Variants in COL22A1 observed in about 807,000 individuals in gnomAD.
COL22A1 encodes the protein collagen type XXII alpha 1 chain.
A neutral mutation model predicts 248.9 loss-of-function variants in COL22A1; 221 were observed. The ratio of observed to expected loss-of-function variants is 0.89; its 90% CI spans 0.80 to 0.99. The LOEUF is 0.99. Ranked by LOEUF, COL22A1 falls within the 50% of genes least tolerant of loss-of-function variation. The probability of loss-of-function intolerance (pLI) is 0.00; values close to 1 mark genes in which losing one functional copy is unlikely to be tolerated. For missense variants in COL22A1, 2,240 were observed against 2,179.0 expected, an observed-to-expected ratio of 1.03 and a Z score of -0.56; for synonymous variants, 891 against 793.4, an observed-to-expected ratio of 1.12 and a Z score of -2.07.
intron 3 of COL22A1, among the ~76,000 whole-genome samples, chr8:138,848,292 A>G (rs921485065): frequency 4.6e-5 from 7 of 152,196 alleles, no homozygotes; most frequent in African/African-American, 1.7e-4. Flanking sequence ...TCTCTAGGTA[A>G]GTGGAACATT....
intron 5 of COL22A1, among the ~76,000 whole-genome samples, chr8:138,830,284 G>A (rs956470704): frequency 2.6e-5 from 4 of 152,098 alleles, no homozygotes; most frequent in Non-Finnish European, 2.9e-5. Context: ...TGCCTTGCTC[G>A]TTTCTGTTAT....
intron 6 of COL22A1, 151 bp from the exon 7 acceptor site, chr8:138,821,562 G>A: frequency 2.7e-6 from 2 of 749,694 alleles, no homozygotes. Context: ...CCTGAGCTTG[G>A]ACAAATTCCG....
intron 45 of COL22A1, among the ~76,000 whole-genome samples, chr8:138,655,074 G>T (rs539121614): frequency 6.6e-6 from 1 of 152,262 alleles, no homozygotes; most frequent in East Asian, 1.9e-4. Flanking sequence ...CAGCGAGAAA[G>T]GATTTTATTC....
At chr8:138,643,712 T>A (rs928844060) in intron 47 of COL22A1, among the ~76,000 whole-genome samples, 107 of 151,338 alleles carry the variant, frequency 7.1e-4, no homozygotes, top group Non-Finnish European at 1.1e-3. Context: ...TTTTAAAAAA[T>A]TTTTTTTTCT....
intron 3 of COL22A1, among the ~76,000 whole-genome samples, chr8:138,863,317 A>T (rs1029969338): frequency 2.6e-5 from 4 of 152,138 alleles, no homozygotes; most frequent in Non-Finnish European, 5.9e-5. Context: ...GTTTTTTGAC[A>T]TTGAAATAAT....
chr8:138,731,406 G>A (rs892283795), intron 23 of COL22A1, among the ~76,000 whole-genome samples: 39 of 152,154 alleles, frequency 2.6e-4, no homozygotes, highest in Non-Finnish European at 7.4e-5. Context: ...GCAGGCAGAA[G>A]GCAGCCAGCG....
chr8:138,665,409 A>G (rs1049151196), intron 41 of COL22A1, among the ~76,000 whole-genome samples: 1 of 152,230 alleles, frequency 6.6e-6, no homozygotes, highest in African/African-American at 2.4e-5. Flanking sequence ...GTAGAGAAGA[A>G]AATGATGTCA....
At chr8:138,804,556 C>T (rs182709532) in intron 10 of COL22A1, among the ~76,000 whole-genome samples, 5 of 152,206 alleles carry the variant, frequency 3.3e-5, no homozygotes, top group Non-Finnish European at 5.9e-5. Context: ...AGCCGAGAAT[C>T]GAGGTGACTT....
chr8:138,681,407 A>G (rs1003101514), intron 39 of COL22A1, among the ~76,000 whole-genome samples: 24 of 152,252 alleles, frequency 1.6e-4, no homozygotes, highest in African/African-American at 5.5e-4. Flanking sequence ...TACAGAATAA[A>G]CAGGATAAAG....
At chr8:138,654,823 C>T (rs1823082551) in intron 45 of COL22A1, among the ~76,000 whole-genome samples, 1 of 152,196 alleles carries the variant, frequency 6.6e-6, no homozygotes, top group East Asian at 1.9e-4. Context: ...GAGTTATGTT[C>T]AACCTCTCAG....
chr8:138,824,828 C>T (rs569209689), intron 6 of COL22A1, among the ~76,000 whole-genome samples: 4 of 152,188 alleles, frequency 2.6e-5, no homozygotes, highest in South Asian at 4.1e-4. Context: ...CTTCTGGTGA[C>T]GGGCACTCAA....
intron 1 of COL22A1, among the ~76,000 whole-genome samples, chr8:138,884,344 A>G (rs1401114533): frequency 6.6e-6 from 1 of 152,074 alleles, no homozygotes; most frequent in Non-Finnish European, 1.5e-5. Flanking sequence ...CTGGGCATGG[A>G]AGATTAGGGC....
chr8:138,598,970 G>T (rs1817768078), intron 60 of COL22A1, 72 bp from the exon 61 acceptor site: 2 of 1,508,734 alleles, frequency 1.3e-6, no homozygotes, highest in Admixed American at 1.8e-5. Context: ...TGCAAAAGGG[G>T]TTCCCCCAGT....
chr8:138,631,030 A>G (rs1029023044), intron 49 of COL22A1, among the ~76,000 whole-genome samples: 28 of 152,032 alleles, frequency 1.8e-4, no homozygotes, highest in African/African-American at 5.8e-4. Flanking sequence ...GGACCTCCCC[A>G]CCTTTACTCT....
intron 11 of COL22A1, among the ~76,000 whole-genome samples, 197 bp downstream of exon 11, chr8:138,802,675 T>G (rs1817098937): frequency 6.6e-6 from 1 of 151,688 alleles, no homozygotes; most frequent in South Asian, 2.1e-4. Context: ...GGCTAGAGAG[T>G]CCGCCAAGAC....
At chr8:138,848,984 G>A (rs1440642786) in intron 3 of COL22A1, among the ~76,000 whole-genome samples, 2 of 152,140 alleles carry the variant, frequency 1.3e-5, no homozygotes, top group African/African-American at 4.8e-5. Flanking sequence ...CCACAGACAA[G>A]ATGTATGACA....
At chr8:138,711,260 C>T (rs1828940834) in intron 30 of COL22A1, among the ~76,000 whole-genome samples, 1 of 152,084 alleles carries the variant, frequency 6.6e-6, no homozygotes, top group Non-Finnish European at 1.5e-5. Context: ...GGCCTAAGTG[C>T]CAGTAATGGG....
chr8:138,643,609 T>TATAGATAGATAGACAG (rs1821911569), intron 47 of COL22A1, among the ~76,000 whole-genome samples: 4 of 146,528 alleles, frequency 2.7e-5, no homozygotes, highest in African/African-American at 1.0e-4. Flanking sequence ...CCCTATGCAA[T>TATAGATAGATAGACAG]ATAGATAGAT....
intron 63 of COL22A1, among the ~76,000 whole-genome samples, chr8:138,591,724 A>G (rs1817070366): frequency 6.6e-6 from 1 of 152,204 alleles, no homozygotes; most frequent in Admixed American, 6.5e-5. Context: ...AAGTATGCAC[A>G]TGGAATCACC....
Sources: gnomAD v4.1 joint callset for allele counts (sites outside exome capture counted in the v4.1 genomes callset) on GRCh38, gnomAD v4.1.1 for gene constraint, MANE v1.5 for transcripts, NCBI Gene and HGNC (gene_info 2026-07-23, HGNC 2026-07-21) for gene names.